Variants in ARHGAP6 observed in about 807,000 individuals in gnomAD.
ARHGAP6 encodes Rho GTPase activating protein 6.
In ARHGAP6, 16 loss-of-function variants were observed where a neutral mutation model predicts 55.7. The observed-to-expected ratio is 0.29, with a 90% CI of 0.19 to 0.44. The LOEUF (loss-of-function observed/expected upper bound fraction) is 0.44. Ranked by LOEUF, ARHGAP6 falls within the 20% of genes least tolerant of loss-of-function variation. The pLI, the probability that ARHGAP6 is intolerant of heterozygous loss-of-function variation, is 1.00. For synonymous variants in ARHGAP6, 382 were observed against 360.9 expected (o/e 1.06, Z -0.66); for missense variants, 698 against 808.9 (o/e 0.86, Z 1.66).
At chrX:11,337,666 A>G (rs1328475590) in intron 1 of ARHGAP6, among the ~76,000 whole-genome samples, 1 of 112,868 alleles carries the variant, frequency 8.9e-6, no homozygotes, top group East Asian at 2.8e-4. Flanking sequence ...ATGAATACTC[A>G]GTCTCCACTT....
chrX:11,345,988 G>A (rs1443880568), intron 1 of ARHGAP6, among the ~76,000 whole-genome samples: 1 of 109,291 alleles, frequency 9.1e-6, no homozygotes, highest in Non-Finnish European at 1.9e-5. Context: ...TTTAAGAGAT[G>A]AGGGTTTCTC....
At chrX:11,524,343 T>A (rs5935100) in intron 1 of ARHGAP6, among the ~76,000 whole-genome samples, 2,120 of 111,409 alleles carry the variant, frequency 0.019, 28 homozygotes, top group Middle Eastern at 0.065. Flanking sequence ...ATTTCCCTAT[T>A]TCAGCTGGCT....
At chrX:11,354,290 TC>T (rs1569311424) in intron 1 of ARHGAP6, among the ~76,000 whole-genome samples, 22 of 72,372 alleles carry the variant, frequency 3.0e-4, no homozygotes, top group East Asian at 1.1e-3. Context: ...TCTCTCTCTC[TC>T]TCTTTCTCTC....
intron 1 of ARHGAP6, among the ~76,000 whole-genome samples, chrX:11,563,465 A>C (rs1460199643): frequency 8.9e-6 from 1 of 111,897 alleles, no homozygotes; most frequent in African/African-American, 3.2e-5. Context: ...AAATCTCACA[A>C]GATGTATATA....
chrX:11,302,204 G>A (rs1267613434), intron 1 of ARHGAP6, among the ~76,000 whole-genome samples: 1 of 112,414 alleles, frequency 8.9e-6, no homozygotes, highest in African/African-American at 3.2e-5. Context: ...GGGGCTAGTG[G>A]CTACCATTCT....
At chrX:11,491,370 C>G (rs182580051) in intron 1 of ARHGAP6, among the ~76,000 whole-genome samples, 5 of 109,831 alleles carry the variant, frequency 4.6e-5, no homozygotes, top group Admixed American at 1.9e-4. Context: ...CCACTCCCCC[C>G]ACCCCACAAC....
At chrX:11,467,834 G>A (rs1267585394) in intron 1 of ARHGAP6, among the ~76,000 whole-genome samples, 1 of 109,998 alleles carries the variant, frequency 9.1e-6, no homozygotes, top group African/African-American at 3.3e-5. Context: ...ACAAAAATTC[G>A]CCAGGCTTGG....
chrX:11,317,454 T>C (rs989883362), intron 1 of ARHGAP6, among the ~76,000 whole-genome samples: 1 of 112,115 alleles, frequency 8.9e-6, no homozygotes, highest in African/African-American at 3.2e-5. Context: ...ACAGGTTCTG[T>C]TGCTATCAGC....
At chrX:11,645,653 C>T (rs940168391) in intron 1 of ARHGAP6, among the ~76,000 whole-genome samples, 4 of 111,772 alleles carry the variant, frequency 3.6e-5, no homozygotes, top group Non-Finnish European at 5.6e-5. Flanking sequence ...TGCTCTCCCT[C>T]GTTGGCTTTT....
chrX:11,214,994 T>C (rs1376932655), intron 2 of ARHGAP6, among the ~76,000 whole-genome samples: 1 of 113,243 alleles, frequency 8.8e-6, no homozygotes, highest in Non-Finnish European at 1.9e-5. Flanking sequence ...GTCTGGGGCC[T>C]GAATCAGGGC....
intron 1 of ARHGAP6, among the ~76,000 whole-genome samples, chrX:11,336,981 C>T (rs758723245): frequency 9.0e-6 from 1 of 111,060 alleles, no homozygotes; most frequent in Non-Finnish European, 1.9e-5. Context: ...CTTCACCCCT[C>T]ACAGTCATTT....
chrX:11,664,618 G>C lies in ARHGAP6; in HGVS notation c.211C>G (p.Pro71Ala), dbSNP rs776233769. 2 of 1,168,382 alleles carry C rather than the reference G, an allele frequency of 1.7e-6. No homozygotes were observed. Among genetic ancestry groups the C allele is most frequent in the East Asian group, 6.4e-5 (2 of 31,401 alleles). Residue 71 changes from proline to alanine, a missense_variant, in exon 1 of 13, where the codon CCA becomes GCA. By Grantham distance (27) the Pro-to-Ala change is conservative. Coordinates refer to ENST00000337414, the MANE Select transcript of ARHGAP6 (RefSeq NM_013427.3). The stretch of plus-strand genomic sequence containing the variant: ...AAGCGAGGGCCGAGACTCTCGGCTG[G>C]GAGTGATGGGGAGTAGAGGCGGCCC... ...TAGRLYSPSL[P>A]AESLGPRLAS... is the part of the protein sequence containing the mutation.
intron 1 of ARHGAP6, among the ~76,000 whole-genome samples, chrX:11,507,952 G>A (rs1187516715): frequency 3.6e-5 from 4 of 111,630 alleles, no homozygotes; most frequent in African/African-American, 1.3e-4. Flanking sequence ...CTATGTTTTT[G>A]CACAAAGTAT....
intron 1 of ARHGAP6, among the ~76,000 whole-genome samples, chrX:11,388,633 C>T (rs1449274644): frequency 9.0e-6 from 1 of 111,504 alleles, no homozygotes; most frequent in Non-Finnish European, 1.9e-5. Context: ...CTTGCCCATG[C>T]CTATGTCCTG....
chrX:11,320,442 T>A (rs796784563), intron 1 of ARHGAP6, among the ~76,000 whole-genome samples: 1 of 111,573 alleles, frequency 9.0e-6, no homozygotes, highest in South Asian at 3.8e-4. Flanking sequence ...AAGTTTCATA[T>A]TCCATGCATT....
chrX:11,369,078 C>T (rs904839059), intron 1 of ARHGAP6, among the ~76,000 whole-genome samples: 3 of 111,581 alleles, frequency 2.7e-5, no homozygotes, highest in East Asian at 2.8e-4. Flanking sequence ...ACTATTCTCC[C>T]GGGTCCCTTG....
At position 11,174,592 on chromosome X, in the gene ARHGAP6, T is replaced by C. The variant is rs1207720600; in HGVS notation, c.1629+3508A>G. On this transcript the variant is annotated intron_variant, in intron 8 of 12. Transcript: ENST00000337414. Reference sequence around the variant, plus strand: ...TTCCTTCCTTTCTTTCTTTCTTTCTTTTTCTTTCTTTCTTTCTTTCTTTCT... The same window carrying C: ...TTCCTTCCTTTCTTTCTTTCTTTCTCTTTCTTTCTTTCTTTCTTTCTTTCT... 1.7e-3 allele frequency among the ~76,000 whole-genome samples: 115 copies of C among 67,156 alleles called. 1 individual carries two copies. The highest frequency in any genetic ancestry group is 2.3e-3 in the East Asian group (5 of 2,157). 58.3% of individuals were successfully genotyped at this position (67,156 alleles called of 115,157 possible).
At chrX:11,447,545 G>C (rs2050103332) in intron 1 of ARHGAP6, among the ~76,000 whole-genome samples, 1 of 112,404 alleles carries the variant, frequency 8.9e-6, no homozygotes, top group Non-Finnish European at 1.9e-5. Flanking sequence ...TACAAAAGCA[G>C]AGTTGAGTAG....
At chrX:11,594,572 A>G (rs765532462) in intron 1 of ARHGAP6, among the ~76,000 whole-genome samples, 9 of 110,810 alleles carry the variant, frequency 8.1e-5, no homozygotes, top group Admixed American at 7.7e-4. Context: ...TCTGCCTTCT[A>G]TCAGATCAGT....
Sources: gnomAD v4.1 joint callset for allele counts (sites outside exome capture counted in the v4.1 genomes callset) on GRCh38, gnomAD v4.1.1 for gene constraint, MANE v1.5 for transcripts, NCBI Gene and HGNC (gene_info 2026-07-23, HGNC 2026-07-21) for gene names.